Variants in CDKAL1 observed in about 807,000 individuals in gnomAD.
CDKAL1 encodes the protein CDKAL1 threonylcarbamoyladenosine tRNA methylthiotransferase, also known as threonylcarbamoyladenosine tRNA methylthiotransferase.
Under a neutral mutation model 68.2 loss-of-function variants are expected in CDKAL1, and 32 were observed. The ratio of observed to expected loss-of-function variants is 0.47; its 90% confidence interval spans 0.35 to 0.63. The LOEUF is 0.63. CDKAL1 is among the 30% of genes least tolerant of loss of function. The pLI, the probability that CDKAL1 is intolerant of heterozygous loss-of-function variation, is 0.00. For synonymous variants in CDKAL1, 234 were observed against 244.3 expected (o/e 0.96, Z 0.39); for missense variants, 606 against 696.7 (o/e 0.87, Z 1.47).
intron 10 of CDKAL1, among the ~76,000 whole-genome samples, chr6:20,957,787 A>T (rs1764849521): frequency 6.6e-6 from 1 of 152,052 alleles, no homozygotes. Context: ...CCTGGCCCAC[A>T]TGGTGAAACC....
At chr6:20,882,441 A>G (rs1226869571) in intron 9 of CDKAL1, among the ~76,000 whole-genome samples, 4 of 152,196 alleles carry the variant, frequency 2.6e-5, no homozygotes, top group African/African-American at 4.8e-5. Context: ...TAACACTTCT[A>G]TTAAACAGAT....
intron 6 of CDKAL1, among the ~76,000 whole-genome samples, chr6:20,747,186 G>A (rs1773699232): frequency 6.6e-6 from 1 of 152,044 alleles, no homozygotes; most frequent in Non-Finnish European, 1.5e-5. Flanking sequence ...TTTTAAAAAT[G>A]TTGAATAATA....
intron 5 of CDKAL1, among the ~76,000 whole-genome samples, chr6:20,705,881 C>G (rs1288080808): frequency 6.6e-6 from 1 of 152,198 alleles, no homozygotes; most frequent in Non-Finnish European, 1.5e-5. Context: ...ACCTGTGTCA[C>G]TTGTCCTGTG....
intron 10 of CDKAL1, among the ~76,000 whole-genome samples, chr6:20,963,964 G>A (rs1765176466): frequency 1.3e-5 from 2 of 151,464 alleles, no homozygotes; most frequent in Non-Finnish European, 2.9e-5. Context: ...AAATTTACAA[G>A]AATAAAACAA....
At chr6:20,929,819 AG>A (rs1260770949) in intron 9 of CDKAL1, among the ~76,000 whole-genome samples, 1 of 152,158 alleles carries the variant, frequency 6.6e-6, no homozygotes, top group Non-Finnish European at 1.5e-5. Context: ...GGGCTGACTC[AG>A]TCAACATCTT....
At chr6:21,195,470 A>ATGTT (rs1256010541) in intron 13 of CDKAL1, among the ~76,000 whole-genome samples, 1 of 142,656 alleles carries the variant, frequency 7.0e-6, no homozygotes, top group Non-Finnish European at 1.5e-5. Flanking sequence ...GCCTCTGGAG[A>ATGTT]TGTTTTTTTT....
chr6:20,790,438 G>T (rs1027734467), intron 8 of CDKAL1, among the ~76,000 whole-genome samples: 1 of 152,162 alleles, frequency 6.6e-6, no homozygotes, highest in East Asian at 1.9e-4. Flanking sequence ...GAGTCACTGT[G>T]GTGGTGTTTT....
intron 4 of CDKAL1, among the ~76,000 whole-genome samples, chr6:20,606,788 G>A (rs1462655862): frequency 6.6e-6 from 1 of 152,192 alleles, no homozygotes; most frequent in Non-Finnish European, 1.5e-5. Context: ...AATTCAGGGT[G>A]AAAATTGCAA....
intron 4 of CDKAL1, among the ~76,000 whole-genome samples, chr6:20,611,982 C>T (rs2127723039): frequency 6.6e-6 from 1 of 152,304 alleles, no homozygotes; most frequent in East Asian, 1.9e-4. Flanking sequence ...TTAGCCCCCA[C>T]ATGAGTGACA....
chr6:20,982,373 AG>A (rs1766201356), intron 10 of CDKAL1, among the ~76,000 whole-genome samples: 2 of 152,178 alleles, frequency 1.3e-5, no homozygotes, highest in African/African-American at 4.8e-5. Flanking sequence ...GGAAATTCTT[AG>A]CATATAAATA....
At chr6:20,951,702 C>A (rs1460126090) in intron 9 of CDKAL1, among the ~76,000 whole-genome samples, 1 of 152,148 alleles carries the variant, frequency 6.6e-6, no homozygotes, top group Admixed American at 6.5e-5. Flanking sequence ...ATCTGATGAA[C>A]ATAATGTTCA....
At chr6:21,036,708 C>T (rs1234872425) in intron 11 of CDKAL1, among the ~76,000 whole-genome samples, 1 of 152,188 alleles carries the variant, frequency 6.6e-6, no homozygotes, top group East Asian at 1.9e-4. Context: ...TTCTCAACCT[C>T]TTTGAAAATA....
At chr6:20,965,606 CCTT>C (rs1765270572) in intron 10 of CDKAL1, among the ~76,000 whole-genome samples, 1 of 152,092 alleles carries the variant, frequency 6.6e-6, no homozygotes. Context: ...CACATCTATT[CCTT>C]CTTCATCTTT....
At chr6:20,831,204 A>C (rs1482122042) in intron 8 of CDKAL1, among the ~76,000 whole-genome samples, 1 of 152,188 alleles carries the variant, frequency 6.6e-6, no homozygotes, top group Non-Finnish European at 1.5e-5. Flanking sequence ...CCAGTAGCAT[A>C]AAAATCTGTG....
intron 6 of CDKAL1, among the ~76,000 whole-genome samples, chr6:20,747,243 G>C (rs986829352): frequency 6.6e-6 from 1 of 152,068 alleles, no homozygotes; most frequent in Non-Finnish European, 1.5e-5. Flanking sequence ...TTCATCCATC[G>C]ATGGATACTT....
chr6:20,828,927 A>G (rs1777606359), intron 8 of CDKAL1, among the ~76,000 whole-genome samples: 1 of 152,174 alleles, frequency 6.6e-6, no homozygotes, highest in Non-Finnish European at 1.5e-5. Context: ...TCATATAAGT[A>G]GAATCGTATA....
intron 11 of CDKAL1, among the ~76,000 whole-genome samples, chr6:21,042,187 C>G (rs1769965177): frequency 6.6e-6 from 1 of 152,128 alleles, no homozygotes; most frequent in Admixed American, 6.5e-5. Flanking sequence ...CCCAATGTCT[C>G]TTACAAATTA....
At chr6:21,150,051 G>A (rs1776340728) in intron 13 of CDKAL1, among the ~76,000 whole-genome samples, 1 of 151,938 alleles carries the variant, frequency 6.6e-6, no homozygotes, top group African/African-American at 2.4e-5. Flanking sequence ...TAGAGATGGG[G>A]TTTCACCATT....
intron 9 of CDKAL1, among the ~76,000 whole-genome samples, chr6:20,884,817 A>G (rs1337896569): frequency 6.6e-6 from 1 of 152,172 alleles, no homozygotes; most frequent in Non-Finnish European, 1.5e-5. Flanking sequence ...AGGAGGTGAA[A>G]AATTTGTACA....
Sources: gnomAD v4.1 joint callset for allele counts (sites outside exome capture counted in the v4.1 genomes callset) on GRCh38, gnomAD v4.1.1 for gene constraint, MANE v1.5 for transcripts, NCBI Gene and HGNC (gene_info 2026-07-23, HGNC 2026-07-21) for gene names.